P4HB: variants seen among roughly 807,000 people sequenced by gnomAD.
The protein encoded by P4HB is protein disulfide-isomerase.
In P4HB, 20 loss-of-function variants were observed where a neutral mutation model predicts 52.6. The observed-to-expected ratio is 0.38, with a 90% CI of 0.27 to 0.55. The LOEUF is 0.55. Among genes scored for constraint, P4HB ranks in the 20% least tolerant of loss-of-function variants. The pLI is 0.74. For missense variants in P4HB, 601 were observed against 669.2 expected, an observed-to-expected ratio of 0.90 and a Z score of 1.12; for synonymous variants, 296 against 277.9, an observed-to-expected ratio of 1.07 and a Z score of -0.65.
chr17:81,846,558 C>T lies in P4HB; in HGVS notation c.927G>A (p.Lys309=). The change falls in exon 7 of 11, where the codon AAG becomes AAA. Residue 309 remains lysine (K), a synonymous_variant. Transcript: ENST00000331483. This position sits in a 1 kb window ranked among gnomAD's most constrained non-coding sequence, Gnocchi z 5.7. ...QRILEFFGLK[K]EECPAVRLIT... is the part of the protein sequence containing the mutation. The stretch of plus-strand genomic sequence containing the variant: ...TGAGGCGCACGGCCGGGCACTCTTC[C>T]TTCTTCAGGCCAAAGAACTCGAGGA... 2 of 1,614,072 alleles carry T rather than the reference C, an allele frequency of 1.2e-6. No individual in the cohort carries two copies. Among genetic ancestry groups the T allele is most frequent in the Non-Finnish European group, 1.7e-6 (2 of 1,180,018 alleles).
In P4HB at chr17:81,859,396, G is replaced by A. The variant is rs369609470; in HGVS notation, c.146-9C>T. 27 of 1,610,514 alleles carry A rather than the reference G, an allele frequency of 1.7e-5. No homozygotes were observed. Among genetic ancestry groups the A allele is most frequent in the Middle Eastern group, 1.7e-4 (1 of 5,966 alleles). Reference sequence around the variant, plus strand: ...GCCACACCAAGGGGCATCTGGAAGCGGAAATGAGATGCTAGAAAGCAGCCT... The same window carrying A: ...GCCACACCAAGGGGCATCTGGAAGCAGAAATGAGATGCTAGAAAGCAGCCT... On this transcript the variant is annotated splice_polypyrimidine_tract_variant and intron_variant, in intron 1 of 10. Transcript: ENST00000331483.
chr17:81,855,239 G>C lies in P4HB; in HGVS notation c.527C>G (p.Ala176Gly). 6.2e-7 allele frequency: 1 copy of C among 1,613,938 alleles called. No homozygotes were observed. The highest frequency in any genetic ancestry group is 8.5e-7 in the Non-Finnish European group (1 of 1,179,906). ...AAATGGTATGTCATCGATGGCCTCT[G>C]CTGCCTGCAAAAACTGCTTGGCAGA... ...SDSAKQFLQAAEAIDDIPFGI... is the reference protein window; with the variant it reads ...SDSAKQFLQAGEAIDDIPFGI... The change falls in exon 4 of 11, where the codon GCA becomes GGA. Residue 176 changes from alanine to glycine, a missense_variant. Coordinates refer to ENST00000331483, the MANE Select transcript of P4HB (RefSeq NM_000918.4). The surrounding 1 kb of genome is among the most constrained non-coding windows in gnomAD (Gnocchi z 4.3).
chr17:81,857,788 C>T (rs1250077263), intron 2 of P4HB, among the ~76,000 whole-genome samples: 2 of 152,190 alleles, frequency 1.3e-5, no homozygotes, highest in African/African-American at 2.4e-5. Flanking sequence ...GATGCCTCTC[C>T]TTTTTCCCTC....
chr17:81,846,961 T>G lies in P4HB; in HGVS notation c.841A>C (p.Ser281Arg), dbSNP rs201941827. ...GAGCAGCTCACCTTGCCCTTGAAGC[T>G]CTCGGCTGCTGTTTTGAAGTTGCTC... ...KLSNFKTAAE[S>R]FKGKILFIFI... The change falls in exon 6 of 11, where the codon AGC (serine) becomes CGC (arginine). Residue 281 changes from serine (S) to arginine (R), a missense_variant. By Grantham distance (110) the Ser-to-Arg change is moderately radical (BLOSUM62 -1). Coordinates refer to ENST00000331483, the MANE Select transcript of P4HB (RefSeq NM_000918.4). This position sits in a 1 kb window ranked among gnomAD's most constrained non-coding sequence, Gnocchi z 5.7. 6.2e-7 allele frequency: 1 copy of G among 1,613,980 alleles called. No individual in the cohort carries two copies. The highest frequency in any genetic ancestry group is 2.2e-5 in the East Asian group (1 of 44,878).
chr17:81,855,482 T>C lies in P4HB; in HGVS notation c.457A>G (p.Ser153Gly). The C allele has an allele frequency of 6.2e-7, 1 of 1,613,772 alleles. No homozygotes were observed. The highest frequency in any genetic ancestry group is 1.7e-5 in the Admixed American group (1 of 59,994). The change falls in exon 3 of 11, where the codon AGC becomes GGC. Residue 153 changes from serine to glycine, a missense_variant. Transcript: ENST00000331483. This position sits in a 1 kb window ranked among gnomAD's most constrained non-coding sequence, Gnocchi z 4.3. ...AAGAAGCCGATGACAGCCACCTCGC[T>C]GGACTCCACCAAGGACTCTGCAGCT... ...GAAAESLVES[S>G]EVAVIGFFKD...
At position 81,846,636 on chromosome 17, in the gene P4HB, G is replaced by T. The variant is rs1264347154; in HGVS notation, c.856-7C>A. On this transcript the variant is annotated splice_polypyrimidine_tract_variant and splice_region_variant and intron_variant, in intron 6 of 10. Coordinates refer to ENST00000331483, the MANE Select transcript of P4HB (RefSeq NM_000918.4). The surrounding 1 kb of genome is among the most constrained non-coding windows in gnomAD (Gnocchi z 5.7). ...CGATGAAGATGAACAGGATCTGGGG[G>T]AGAAAAGGAGGTTGCACAGGTGCGG... 2 of 1,613,216 alleles carry T rather than the reference G, an allele frequency of 1.2e-6. No individual in the cohort carries two copies. Among genetic ancestry groups the T allele is most frequent in the East Asian group, 2.2e-5 (1 of 44,882 alleles).
rs183145919 is a variant in P4HB, at chr17:81,850,541, G to A, written c.625-3194C>T. ...TTCCCTGGCTAGAGTGCAATGGCAC[G>A]ATCTCGATCTTGCCTCATTGCAATC... On this transcript the variant is annotated intron_variant, in intron 4 of 10. Coordinates refer to ENST00000331483, the MANE Select transcript of P4HB (RefSeq NM_000918.4). Among the ~76,000 whole-genome samples the A allele has an allele frequency of 2.1e-3, 325 of 151,904 alleles. 2 individuals are homozygous for A. The highest frequency in any genetic ancestry group is 7.4e-3 in the African/African-American group (305 of 41,378).
intron 10 of P4HB, among the ~76,000 whole-genome samples, chr17:81,844,577 G>A (rs1339494974): frequency 6.6e-6 from 1 of 152,208 alleles, no homozygotes; most frequent in East Asian, 1.9e-4. Context: ...CCTGGGCAGA[G>A]TATTCCCACC....
chr17:81,843,845 G>A lies in P4HB; in HGVS notation c.*167C>T, dbSNP rs1048663029. ...AAACCGAAAAGCAGAAGGAAGAGACGGGGGTGAACGGACGGTGTGTAGGGG... is the reference window on the plus strand; with the variant it reads ...AAACCGAAAAGCAGAAGGAAGAGACAGGGGTGAACGGACGGTGTGTAGGGG... On this transcript the variant is annotated 3_prime_UTR_variant, in exon 11 of 11. Coordinates refer to ENST00000331483, the MANE Select transcript of P4HB (RefSeq NM_000918.4). 2.3e-5 allele frequency: 15 copies of A among 647,994 alleles called. No homozygotes were observed. The highest frequency in any genetic ancestry group is 2.0e-4 in the African/African-American group (11 of 55,668). 40.1% of individuals were successfully genotyped at this position (647,994 alleles called of 1,614,324 possible).
chr17:81,845,458 A>G, intron 9 of P4HB, 103 bp downstream of exon 9: 1 of 1,196,720 alleles, frequency 8.4e-7, no homozygotes, highest in Non-Finnish European at 1.2e-6. Context: ...CTCTTCTCCC[A>G]CCTGACTAGC....
At chr17:81,855,000 C>T (rs1567840496) in intron 4 of P4HB, 142 bp downstream of exon 4, 4 of 803,348 alleles carry the variant, frequency 5.0e-6, no homozygotes, top group Non-Finnish European at 4.2e-6. Context: ...AGCGCAACAC[C>T]CCAACTTGGC....
chr17:81,844,073 T>G lies in P4HB; in HGVS notation c.1466A>C (p.Glu489Ala), dbSNP rs148124283. Residue 489 changes from glutamate to alanine, a missense_variant, in exon 11 of 11, where the codon GAA becomes GCA. Coordinates refer to ENST00000331483, the MANE Select transcript of P4HB (RefSeq NM_000918.4). ...TTCCTCCATGTCTGGCTCCTCTGCTTCTTCCAGGTCCTCGAGATCCTGGGA... is the reference window on the plus strand; with the variant it reads ...TTCCTCCATGTCTGGCTCCTCTGCTGCTTCCAGGTCCTCGAGATCCTGGGA... ...GDDDDLEDLEEAEEPDMEEDD... is the reference protein window; with the variant it reads ...GDDDDLEDLEAAEEPDMEEDD... The G allele has an allele frequency of 1.5e-5, 24 of 1,613,190 alleles. No individual in the cohort carries two copies. In the African/African-American group the frequency reaches 2.7e-4, roughly 18 times the overall value.
Position 81,843,275 on chromosome 17 carries a change from C to A in P4HB, c.*737G>T, listed in dbSNP as rs942904274. The A allele has an allele frequency of 1.0e-4, 39 of 390,228 alleles. No homozygotes were observed. Among genetic ancestry groups the A allele is most frequent in the African/African-American group, 7.2e-4 (35 of 48,512 alleles). The allele number at this position is 390,228 out of a possible 1,614,324, so 24.2% of individuals were successfully genotyped here. A position where few individuals can be genotyped will look rare whatever the true frequency, so the allele number is the denominator to read the frequency against. ...TCCAGCATCCTTGGCCACCTCCCCA[C>A]CCGGGAGTCAAGGGTCGTGGTTCTG... On this transcript the variant is annotated 3_prime_UTR_variant, in exon 11 of 11. Transcript: ENST00000331483.
At chr17:81,845,114 AG>A in intron 10 of P4HB, 29 bp downstream of exon 10, 1 of 1,539,174 alleles carries the variant, frequency 6.5e-7, no homozygotes, top group East Asian at 2.2e-5. Flanking sequence ...TGAATCCCAG[AG>A]ACCAGCCCAG....
rs1454262486 is a variant in P4HB at position 81,860,327 on chromosome 17, A to T, written c.145T>A (p.Tyr49Asn). 2 of 1,460,824 alleles carry T rather than the reference A, an allele frequency of 1.4e-6. No individual in the cohort carries two copies. The highest frequency in any genetic ancestry group is 1.5e-5 in the African/African-American group (1 of 67,836). The allele number at this position is 1,460,824 out of a possible 1,614,324, so 90.5% of individuals were successfully genotyped here. ...AAHKYLLVEF[Y>N]APWCGHCKAL... ...CCCGCCCGCCAGGCCCGGCGCTCAC[A>T]GAACTCCACCAGCAGGTACTTGTGG... is the stretch of plus-strand genomic sequence containing the variant. The change falls in exon 1 of 11, where the codon TAT becomes AAT. Residue 49 changes from tyrosine to asparagine, a missense_variant and splice_region_variant. Physicochemically the swap from Tyr to Asn is moderately radical, Grantham distance 143 (BLOSUM62 -2). Transcript: ENST00000331483.
intron 2 of P4HB, 125 bp downstream of exon 2, chr17:81,859,054 AGG>A: frequency 1.3e-6 from 1 of 785,100 alleles, no homozygotes; most frequent in South Asian, 1.6e-5. Flanking sequence ...ACCCGGCCTG[AGG>A]AACGGGATCC....
At chr17:81,851,339 T>C (rs566518775) in intron 4 of P4HB, among the ~76,000 whole-genome samples, 1 of 152,362 alleles carries the variant, frequency 6.6e-6, no homozygotes, top group African/African-American at 2.4e-5. Flanking sequence ...TGCCACTCCC[T>C]GCTCTTGTGC....
chr17:81,848,660 C>G (rs566130756), intron 4 of P4HB, among the ~76,000 whole-genome samples: 3 of 142,180 alleles, frequency 2.1e-5, no homozygotes, highest in African/African-American at 7.9e-5. Context: ...CGCTTGGACC[C>G]GGGAGGCGGA....
intron 2 of P4HB, among the ~76,000 whole-genome samples, chr17:81,856,757 C>A (rs1002784665): frequency 2.0e-5 from 3 of 150,988 alleles, no homozygotes; most frequent in Non-Finnish European, 4.4e-5. Context: ...TCAAGTGATT[C>A]TCCTGCCTCG....
Sources: gnomAD v4.1 joint callset for allele counts (sites outside exome capture counted in the v4.1 genomes callset) on GRCh38, gnomAD v4.1.1 for gene constraint, Gnocchi (gnomAD v3.1) non-coding constraint, MANE v1.5 for transcripts, NCBI Gene and HGNC (gene_info 2026-07-23, HGNC 2026-07-21) for gene names.